WWTR1: variants seen among roughly 807,000 people sequenced by gnomAD.
The protein encoded by WWTR1 is WW domain containing transcription regulator 1.
A neutral mutation model predicts 40.1 loss-of-function variants in WWTR1; 13 were observed. The observed-to-expected ratio is 0.32, with a 90% confidence interval of 0.21 to 0.52. The LOEUF is 0.52. WWTR1 is among the 20% of genes least tolerant of loss of function. The probability of loss-of-function intolerance (pLI) is 0.97; values close to 1 mark genes in which losing one functional copy is unlikely to be tolerated. For synonymous variants in WWTR1, 230 were observed against 210.1 expected (o/e 1.09, Z -0.82); for missense variants, 436 against 523.1 (o/e 0.83, Z 1.63).
chr3:149,539,787 C>T (rs1023693806), intron 4 of WWTR1, among the ~76,000 whole-genome samples: 1 of 152,002 alleles, frequency 6.6e-6, no homozygotes, highest in African/African-American at 2.4e-5. Context: ...CAGAAAATCA[C>T]CAAAAGAGTT....
intron 1 of WWTR1, among the ~76,000 whole-genome samples, chr3:149,678,820 GTA>G (rs1302364204): frequency 3.0e-5 from 4 of 131,362 alleles, no homozygotes; most frequent in African/African-American, 8.3e-5. Flanking sequence ...GTGTTCACAA[GTA>G]TTTTTTTTTT....
intron 2 of WWTR1, among the ~76,000 whole-genome samples, chr3:149,589,471 A>G (rs1211239529): frequency 6.6e-6 from 1 of 152,134 alleles, no homozygotes; most frequent in East Asian, 1.9e-4. Flanking sequence ...GACCAGCCAC[A>G]AGGCTCCTTC....
In WWTR1 at chr3:149,586,667, C is replaced by T. The variant is rs559676760; in HGVS notation, c.432-13667G>A. ...TTTTAATGAGGTGACTGTTGGTGGGCTCCTACATAGCCTTAGGAAGGGGCT... is the reference window on the plus strand; with the variant it reads ...TTTTAATGAGGTGACTGTTGGTGGGTTCCTACATAGCCTTAGGAAGGGGCT... On this transcript the variant is annotated intron_variant, in intron 2 of 6. Transcript: ENST00000360632. Among the ~76,000 whole-genome samples, 67 of 151,944 alleles carry T rather than the reference C, an allele frequency of 4.4e-4. 1 individual carries two copies. Among genetic ancestry groups the T allele is most frequent in the Non-Finnish European group, 2.5e-4 (17 of 67,894 alleles).
At chr3:149,664,752 C>G (rs1357815591) in intron 2 of WWTR1, among the ~76,000 whole-genome samples, 1 of 151,898 alleles carries the variant, frequency 6.6e-6, no homozygotes, top group African/African-American at 2.4e-5. Flanking sequence ...TCATGCCTGG[C>G]TGATTTTGTA....
At chr3:149,524,885 G>C (rs1735223729) in intron 6 of WWTR1, among the ~76,000 whole-genome samples, 1 of 152,172 alleles carries the variant, frequency 6.6e-6, no homozygotes, top group Non-Finnish European at 1.5e-5. Flanking sequence ...AATGATAATG[G>C]AGAAGGAACT....
chr3:149,671,458 T>C (rs1301059991), intron 1 of WWTR1, among the ~76,000 whole-genome samples: 2 of 152,218 alleles, frequency 1.3e-5, no homozygotes, highest in Admixed American at 1.3e-4. Flanking sequence ...TCTTCAAAAG[T>C]TTCTGCTGGC....
chr3:149,639,641 A>C (rs1404798833), intron 2 of WWTR1, among the ~76,000 whole-genome samples: 2 of 152,128 alleles, frequency 1.3e-5, no homozygotes, highest in African/African-American at 2.4e-5. Context: ...TTTACAACTT[A>C]TCCCATTATC....
intron 4 of WWTR1, chr3:149,540,165 G>C: frequency 2.2e-6 from 1 of 454,530 alleles, no homozygotes; most frequent in South Asian, 1.6e-5. Context: ...GAGCAAATCT[G>C]GACAATCTTT....
chr3:149,544,488 G>A (rs1055935626), intron 3 of WWTR1, among the ~76,000 whole-genome samples: 1 of 152,190 alleles, frequency 6.6e-6, no homozygotes, highest in African/African-American at 2.4e-5. Context: ...AAATGAGATG[G>A]ATTTTTATGA....
intron 2 of WWTR1, among the ~76,000 whole-genome samples, chr3:149,623,986 A>G (rs189482911): frequency 2.0e-5 from 3 of 151,454 alleles, no homozygotes; most frequent in Admixed American, 2.0e-4. Context: ...GGCTTGCATC[A>G]CTCTCTGTGG....
At chr3:149,607,165 G>A (rs762547615) in intron 2 of WWTR1, among the ~76,000 whole-genome samples, 20 of 152,168 alleles carry the variant, frequency 1.3e-4, no homozygotes, top group Non-Finnish European at 2.1e-4. Flanking sequence ...TTTACTTTTT[G>A]AAATATTCAT....
intron 1 of WWTR1, among the ~76,000 whole-genome samples, chr3:149,683,280 G>A (rs937418770): frequency 6.6e-6 from 1 of 152,174 alleles, no homozygotes; most frequent in Admixed American, 6.5e-5. Flanking sequence ...ATTGAGGAAT[G>A]ATATTAATGT....
intron 4 of WWTR1, among the ~76,000 whole-genome samples, chr3:149,534,857 G>A (rs1400130835): frequency 6.6e-6 from 1 of 152,210 alleles, no homozygotes; most frequent in Non-Finnish European, 1.5e-5. Context: ...GACGGGTGAT[G>A]TGTAAAATAG....
intron 2 of WWTR1, among the ~76,000 whole-genome samples, chr3:149,579,455 T>C (rs1576575370): frequency 6.6e-6 from 1 of 152,300 alleles, no homozygotes; most frequent in South Asian, 2.1e-4. Flanking sequence ...CTGTAGCCTC[T>C]GTCCTTACTA....
chr3:149,687,125 C>A (rs1198777951), intron 1 of WWTR1, among the ~76,000 whole-genome samples: 2 of 152,172 alleles, frequency 1.3e-5, no homozygotes, highest in Admixed American at 6.5e-5. Flanking sequence ...TTGAGTTCTA[C>A]CAGCAGCAAT....
At chr3:149,708,131 A>C (rs537965275), upstream of WWTR1, among the ~76,000 whole-genome samples, 1 of 152,256 alleles carries the variant, frequency 6.6e-6, no homozygotes, top group African/African-American at 2.4e-5. Context: ...CCGTACCTGG[A>C]CATGTAAGTG....
chr3:149,518,299 T>C lies in WWTR1; in HGVS notation c.*2506A>G, dbSNP rs998249590. On this transcript the variant is annotated 3_prime_UTR_variant, in exon 7 of 7. Transcript: ENST00000360632. The stretch of plus-strand genomic sequence containing the variant: ...CTTACTAGAAAATTACTTCTAAAAA[T>C]TGGTAATATAAATCATCAATGATTT... 2.0e-5 allele frequency: 3 copies of C among 152,066 alleles called. No individual in the cohort carries two copies. Among genetic ancestry groups the C allele is most frequent in the African/African-American group, 7.2e-5 (3 of 41,432 alleles). The allele number at this position is 152,066 out of a possible 1,614,324, so 9.4% of individuals were successfully genotyped here. A position where few individuals can be genotyped will look rare whatever the true frequency, so the allele number is the denominator to read the frequency against.
chr3:149,624,847 G>A lies in WWTR1; in HGVS notation c.431+32029C>T, dbSNP rs539840227. 2.6e-5 allele frequency among the ~76,000 whole-genome samples: 4 copies of A among 151,252 alleles called. No homozygotes were observed. The East Asian group carries it at 8.0e-4, about 30-fold the overall frequency. The stretch of plus-strand genomic sequence containing the variant: ...CCCAAGTAGCTGGCATTACAGGCAT[G>A]TGCCACCATGCCCAGCTAATTCATT... On this transcript the variant is annotated intron_variant, in intron 2 of 6. Coordinates refer to ENST00000360632, the MANE Select transcript of WWTR1 (RefSeq NM_015472.6).
At chr3:149,552,253 T>C (rs1165694802) in intron 3 of WWTR1, among the ~76,000 whole-genome samples, 1 of 123,728 alleles carries the variant, frequency 8.1e-6, no homozygotes, top group Non-Finnish European at 1.7e-5. Context: ...CACAATGATA[T>C]GGATCTTCCT....
Sources: allele counts gnomAD v4.1 joint callset (sites outside exome capture counted in the v4.1 genomes callset), GRCh38; gene constraint gnomAD v4.1.1; transcripts MANE v1.5; gene names NCBI Gene and HGNC (gene_info 2026-07-23, HGNC 2026-07-21).